SYNPR: variants seen among roughly 807,000 people sequenced by gnomAD.
SYNPR encodes synaptoporin.
SYNPR carries 23 observed loss-of-function variants against 32.9 expected under a neutral mutation model. The observed-to-expected ratio is 0.70, with a 90% CI of 0.50 to 0.99. The LOEUF is 0.99. SYNPR is among the 50% of genes least tolerant of loss of function. The pLI, the probability that SYNPR is intolerant of heterozygous loss-of-function variation, is 0.00. For missense variants in SYNPR, 318 were observed against 349.3 expected, an observed-to-expected ratio of 0.91 and a Z score of 0.71; for synonymous variants, 146 against 135.9, an observed-to-expected ratio of 1.07 and a Z score of -0.52.
At chr3:63,237,626 T>C (rs906162061) in intron 1 of SYNPR, among the ~76,000 whole-genome samples, 2 of 152,180 alleles carry the variant, frequency 1.3e-5, no homozygotes, top group African/African-American at 4.8e-5. Context: ...AATCCTACTG[T>C]GAACATTTTG....
chr3:63,577,013 C>A (rs1702994359), intron 4 of SYNPR, among the ~76,000 whole-genome samples: 1 of 152,026 alleles, frequency 6.6e-6, no homozygotes, highest in South Asian at 2.1e-4. Context: ...CTGGTCTATA[C>A]TGTGAGGGGG....
At chr3:63,239,716 A>G (rs1250527377) in intron 1 of SYNPR, among the ~76,000 whole-genome samples, 1 of 151,614 alleles carries the variant, frequency 6.6e-6, no homozygotes, top group Non-Finnish European at 1.5e-5. Flanking sequence ...TTATGCCCCC[A>G]ACCTACCATT....
At chr3:63,254,658 T>G (rs915559999) in intron 2 of SYNPR, among the ~76,000 whole-genome samples, 1 of 152,154 alleles carries the variant, frequency 6.6e-6, no homozygotes, top group Non-Finnish European at 1.5e-5. Context: ...AGGGGGTCTG[T>G]CATATGCATT....
intron 2 of SYNPR, among the ~76,000 whole-genome samples, chr3:63,318,304 A>G (rs2087066385): frequency 6.6e-6 from 1 of 152,038 alleles, no homozygotes; most frequent in Non-Finnish European, 1.5e-5. Flanking sequence ...CTAGGTCTCT[A>G]GCAAGGCCAG....
At chr3:63,251,916 G>A (rs1361988262) in intron 1 of SYNPR, among the ~76,000 whole-genome samples, 1 of 151,886 alleles carries the variant, frequency 6.6e-6, no homozygotes, top group East Asian at 1.9e-4. Flanking sequence ...AGAATCCTAA[G>A]ATAAAATCAG....
intron 4 of SYNPR, among the ~76,000 whole-genome samples, chr3:63,588,161 T>C (rs557003674): frequency 6.6e-6 from 1 of 152,252 alleles, no homozygotes; most frequent in Admixed American, 6.5e-5. Flanking sequence ...TGATATCACA[T>C]ATATACATAT....
chr3:63,613,272 C>T (rs1306500476), intron 5 of SYNPR, among the ~76,000 whole-genome samples: 2 of 151,726 alleles, frequency 1.3e-5, no homozygotes, highest in Non-Finnish European at 2.9e-5. Flanking sequence ...CCCCTTTTAA[C>T]GGAAAATATT....
At chr3:63,596,234 A>T (rs1575729784) in intron 4 of SYNPR, among the ~76,000 whole-genome samples, 1 of 129,580 alleles carries the variant, frequency 7.7e-6, no homozygotes, top group Non-Finnish European at 1.7e-5. Context: ...CCCTCTCCTC[A>T]CTCTCCTCAT....
intron 2 of SYNPR, among the ~76,000 whole-genome samples, chr3:63,472,058 T>A (rs559795761): frequency 6.6e-6 from 1 of 152,226 alleles, no homozygotes; most frequent in African/African-American, 2.4e-5. Flanking sequence ...TGAGGCACAG[T>A]ACGTGAGCTA....
chr3:63,427,256 CTA>C (rs1243799336), intron 2 of SYNPR, among the ~76,000 whole-genome samples: 2 of 149,730 alleles, frequency 1.3e-5, no homozygotes, highest in Non-Finnish European at 3.0e-5. Flanking sequence ...CAACACTGAG[CTA>C]TATATTGATA....
At chr3:63,249,786 T>G (rs2086316590) in intron 1 of SYNPR, among the ~76,000 whole-genome samples, 1 of 152,166 alleles carries the variant, frequency 6.6e-6, no homozygotes, top group Non-Finnish European at 1.5e-5. Flanking sequence ...AAGGTAACAT[T>G]CTGTAATGTC....
In SYNPR at chr3:63,371,707, C is replaced by T. The variant is rs535796859; in HGVS notation, c.84+92965C>T. Among the ~76,000 whole-genome samples, 19 of 152,360 alleles carry T rather than the reference C, an allele frequency of 1.2e-4. No individual in the cohort carries two copies. In the South Asian group the frequency reaches 3.7e-3, roughly 30 times the overall value. On this transcript the variant is annotated intron_variant, in intron 2 of 5. Coordinates refer to ENST00000478300, the MANE Select transcript of SYNPR (RefSeq NM_001130003.2). ...CCAGACTCTTTTCCACCTGAGTCCT[C>T]GTTCCAACTTCTCCTCACTGAGTGG... is the stretch of plus-strand genomic sequence containing the variant.
At chr3:63,205,827 T>C in the SYNPR span, among the ~76,000 whole-genome samples, 4 of 152,320 alleles carry the variant, frequency 2.6e-5, no homozygotes, top group Admixed American at 2.6e-4. Flanking sequence ...AATACCCTCA[T>C]CTGAAATATG....
chr3:63,409,911 T>A (rs1359878255), intron 2 of SYNPR, among the ~76,000 whole-genome samples: 2 of 152,140 alleles, frequency 1.3e-5, no homozygotes, highest in Non-Finnish European at 2.9e-5. Flanking sequence ...TCTGAGCCAA[T>A]GCACAATTCG....
intron 3 of SYNPR, among the ~76,000 whole-genome samples, chr3:63,530,792 A>G (rs900045206): frequency 2.0e-5 from 3 of 152,188 alleles, no homozygotes; most frequent in Non-Finnish European, 4.4e-5. Context: ...TTAAGGAGTT[A>G]TGGAGAGAAA....
At chr3:63,397,050 G>A (rs1226047810) in intron 2 of SYNPR, among the ~76,000 whole-genome samples, 1 of 147,150 alleles carries the variant, frequency 6.8e-6, no homozygotes, top group African/African-American at 2.5e-5. Context: ...CTTGCAGTGA[G>A]CCAAGATAGC....
intron 2 of SYNPR, among the ~76,000 whole-genome samples, chr3:63,379,122 T>A (rs2087932483): frequency 6.6e-6 from 1 of 152,190 alleles, no homozygotes; most frequent in South Asian, 2.1e-4. Context: ...TTATGTTACA[T>A]TTCTGTTATT....
At chr3:63,550,622 G>C (rs1702483203) in intron 3 of SYNPR, among the ~76,000 whole-genome samples, 1 of 152,044 alleles carries the variant, frequency 6.6e-6, no homozygotes, top group Admixed American at 6.6e-5. Context: ...CCTCCCCACT[G>C]TCTCCACCAC....
intron 1 of SYNPR, among the ~76,000 whole-genome samples, chr3:63,238,678 C>G (rs1440882630): frequency 6.6e-6 from 1 of 152,112 alleles, no homozygotes; most frequent in East Asian, 1.9e-4. Flanking sequence ...ATCTGACATT[C>G]ATTCACTTAA....
Sources: allele counts gnomAD v4.1 joint callset (sites outside exome capture counted in the v4.1 genomes callset), GRCh38; gene constraint gnomAD v4.1.1; transcripts MANE v1.5; gene names NCBI Gene and HGNC (gene_info 2026-07-23, HGNC 2026-07-21).